The following TARBP1 variants were observed in gnomAD, a reference collection of about 807,000 sequenced individuals.
TARBP1 encodes the protein tRNA guanosine 2 -O-methyltransferase TARBP1, also known as tRNA (guanosine(18)-2'-O)-methyltransferase TARBP1.
A neutral mutation model predicts 178.6 loss-of-function variants in TARBP1; 144 were observed. That is an observed-to-expected ratio of 0.81 (90% CI 0.70 to 0.93). The LOEUF is 0.93. Among genes scored for constraint, TARBP1 ranks in the 40% least tolerant of loss-of-function variants. TARBP1 has a pLI of 0.00. For synonymous variants in TARBP1, 787 were observed against 781.0 expected (o/e 1.01, Z -0.13); for missense variants, 2,067 against 2,011.7 (o/e 1.03, Z -0.53).
intron 23 of TARBP1, chr1:234,407,341 C>CTTTTTTTTTTTTTTTTTTTT (rs543930869): frequency 1.5e-5 from 2 of 137,054 alleles, no homozygotes; most frequent in African/African-American, 2.7e-5. Flanking sequence ...CTTGTCCATC[C>CTTTTTTTTTTTTTTTTTTTT]TTTTTTTTTT....
chr1:234,393,817 C>G lies in TARBP1; in HGVS notation c.4264G>C (p.Asp1422His), dbSNP rs776674837. ...ACGTCGGTCCACTCCGCTTGGTTATCTGCTTCGACCAAATTAGTACCTGGG... is the reference window on the plus strand; with the variant it reads ...ACGTCGGTCCACTCCGCTTGGTTATGTGCTTCGACCAAATTAGTACCTGGG... ...QDIGTNLVEA[D>H]NQAEWTDVQK... The change falls in exon 27 of 30, where the codon GAT becomes CAT. Residue 1422 changes from aspartate (D) to histidine (H), a missense_variant. Physicochemically the swap from Asp to His is moderately conservative, Grantham distance 81 (BLOSUM62 -1). Coordinates refer to ENST00000040877, the MANE Select transcript of TARBP1 (RefSeq NM_005646.4). 6.2e-6 allele frequency: 10 copies of G among 1,610,750 alleles called. No individual in the cohort carries two copies. The East Asian group carries it at 2.2e-4, about 36-fold the overall frequency.
In TARBP1 at chr1:234,406,038, C is replaced by G. The variant is rs1217865699; in HGVS notation, c.3854G>C (p.Ser1285Thr). The change falls in exon 24 of 30, where the codon AGT becomes ACT. Residue 1285 changes from serine to threonine, a missense_variant. Ser to Thr is a moderately conservative substitution (Grantham distance 58). Transcript: ENST00000040877. Reference protein sequence around the residue: ...VLQWCFNHNFSVRLYALVALK... With the variant: ...VLQWCFNHNFTVRLYALVALK... Reference sequence around the variant, plus strand: ...AGCAACTAAAGCATACAGTCGAACACTAAAATTGTGATTGAAACACCACTG... The same window carrying G: ...AGCAACTAAAGCATACAGTCGAACAGTAAAATTGTGATTGAAACACCACTG... 6 of 1,614,056 alleles carry G rather than the reference C, an allele frequency of 3.7e-6. No individual in the cohort carries two copies. The African/African-American group carries it at 8.0e-5, about 22-fold the overall frequency.
At chr1:234,465,965 G>C (rs1005177390) in intron 4 of TARBP1, among the ~76,000 whole-genome samples, 43 of 152,046 alleles carry the variant, frequency 2.8e-4, no homozygotes, top group African/African-American at 1.0e-3. Context: ...TTCATGTGTT[G>C]GGTCAAGAAA....
At chr1:234,448,748 T>A (rs1044634889) in intron 10 of TARBP1, among the ~76,000 whole-genome samples, 169 bp from the exon 11 acceptor site, 1 of 152,192 alleles carries the variant, frequency 6.6e-6, no homozygotes, top group Non-Finnish European at 1.5e-5. Flanking sequence ...TTATTATACA[T>A]ATCTATTTCA....
intron 22 of TARBP1, among the ~76,000 whole-genome samples, 178 bp downstream of exon 22, chr1:234,417,906 A>AT (rs1166364680): frequency 3.3e-5 from 5 of 152,202 alleles, no homozygotes; most frequent in African/African-American, 4.8e-5. Context: ...AATATTCAAA[A>AT]TGAATGCCAG....
At position 234,398,562 on chromosome 1, in the gene TARBP1, A is replaced by G. The variant is rs752527021; in HGVS notation, c.4072-9T>C. ...AGGATGTAAAATATGGTCTGAAAAG[A>G]GAATTATAAAATCTAAATTTCTTCC... is the stretch of plus-strand genomic sequence containing the variant. On this transcript the variant is annotated splice_polypyrimidine_tract_variant and intron_variant, in intron 25 of 29. Coordinates refer to ENST00000040877, the MANE Select transcript of TARBP1 (RefSeq NM_005646.4). 1 of 1,530,448 alleles carries G rather than the reference A, an allele frequency of 6.5e-7. No individual in the cohort carries two copies. Among genetic ancestry groups the G allele is most frequent in the Non-Finnish European group, 8.8e-7 (1 of 1,132,442 alleles). 94.8% of individuals were successfully genotyped at this position (1,530,448 alleles called of 1,614,324 possible).
At chr1:234,463,798 G>T in intron 6 of TARBP1, 39 bp downstream of exon 6, 1 of 1,230,696 alleles carries the variant, frequency 8.1e-7, no homozygotes, top group Non-Finnish European at 1.1e-6. Context: ...GAAACTGTAA[G>T]CTAAAGCATT....
At chr1:234,411,951 T>A (rs1340752984) in intron 22 of TARBP1, among the ~76,000 whole-genome samples, 1 of 152,228 alleles carries the variant, frequency 6.6e-6, no homozygotes, top group Admixed American at 6.5e-5. Context: ...AATTAACAGT[T>A]ACTGAATGTC....
rs1355844672 is a variant in TARBP1 at position 234,478,348 on chromosome 1, C to G, written c.756G>C (p.Ala252=). ...GCCGGGCGTCCGGGCCCGCCTCGCG[C>G]GCGCCGCGGGCGCGGTCGCCGCCGG... ...PEPGGDRARG[A]REAGPDARRC... The change falls in exon 1 of 30, where the codon GCG becomes GCC. Residue 252 remains alanine, a synonymous_variant. Transcript: ENST00000040877. The G allele has an allele frequency of 1.6e-6, 2 of 1,274,592 alleles. No homozygotes were observed. Among genetic ancestry groups the G allele is most frequent in the Admixed American group, 8.4e-5 (2 of 23,844 alleles). 79.0% of individuals were successfully genotyped at this position (1,274,592 alleles called of 1,614,324 possible). A position where few individuals can be genotyped will look rare whatever the true frequency, so the allele number is the denominator to read the frequency against.
In TARBP1 at chr1:234,460,289, G is replaced by A; in HGVS notation, c.1507C>T (p.Leu503=). 1 of 1,614,076 alleles carries A rather than the reference G, an allele frequency of 6.2e-7. No homozygotes were observed. Among genetic ancestry groups the A allele is most frequent in the Non-Finnish European group, 8.5e-7 (1 of 1,180,002 alleles). ...ALANVPRHKA[L]GIDGLLALRD... ...AGAGCAAGAAGCCCATCTATACCCA[G>A]GGCCTTATGTCTTGGGACATTTGCC... The change falls in exon 7 of 30, where the codon CTG becomes TTG. Residue 503 remains leucine (L), a synonymous_variant. Transcript: ENST00000040877.
intron 24 of TARBP1, among the ~76,000 whole-genome samples, chr1:234,402,591 T>G (rs1219480629): frequency 2.6e-5 from 4 of 152,084 alleles, no homozygotes; most frequent in African/African-American, 9.7e-5. Flanking sequence ...TTGTTTTTTT[T>G]TTGAGACAGG....
intron 9 of TARBP1, 38 bp from the exon 10 acceptor site, chr1:234,450,604 C>G (rs763489255): frequency 6.3e-7 from 1 of 1,584,924 alleles, no homozygotes; most frequent in Non-Finnish European, 8.5e-7. Flanking sequence ...TTTTAAAAAC[C>G]TAACCAAACA....
At chr1:234,473,203 T>C in intron 1 of TARBP1, among the ~76,000 whole-genome samples, 1 of 152,180 alleles carries the variant, frequency 6.6e-6, no homozygotes, top group East Asian at 1.9e-4. Flanking sequence ...ATGAGAATTT[T>C]AAGTTGACAA....
intron 27 of TARBP1, 21 bp downstream of exon 27, chr1:234,393,625 C>T (rs778191185): frequency 1.3e-6 from 2 of 1,594,464 alleles, no homozygotes; most frequent in Non-Finnish European, 1.7e-6. Flanking sequence ...AGGCAAAGCT[C>T]CCAGAAAACT....
chr1:234,394,293 TG>T (rs1360725257), intron 26 of TARBP1, among the ~76,000 whole-genome samples: 1 of 152,250 alleles, frequency 6.6e-6, no homozygotes, highest in Non-Finnish European at 1.5e-5. Flanking sequence ...ATTTTAAAAG[TG>T]CTGGAGTAAC....
At chr1:234,420,678 A>G (rs1224362523) in intron 21 of TARBP1, 24 bp downstream of exon 21, 1 of 1,480,354 alleles carries the variant, frequency 6.8e-7, no homozygotes, top group African/African-American at 1.4e-5. Context: ...CTTCAAAGGT[A>G]CAAATATAAT....
At chr1:234,418,362 A>G (rs1190898508) in intron 21 of TARBP1, 129 bp from the exon 22 acceptor site, 1 of 725,012 alleles carries the variant, frequency 1.4e-6, no homozygotes, top group Non-Finnish European at 2.1e-6. Flanking sequence ...CTCTCCGAGC[A>G]AAGACTCTAA....
Position 234,478,314 on chromosome 1 carries a change from G to T in TARBP1, c.790C>A (p.Arg264Ser), listed in dbSNP as rs554398742. 2 of 1,427,384 alleles carry T rather than the reference G, an allele frequency of 1.4e-6. No individual in the cohort carries two copies. Among genetic ancestry groups the T allele is most frequent in the Admixed American group, 2.7e-5 (1 of 37,652 alleles). 88.4% of individuals were successfully genotyped at this position (1,427,384 alleles called of 1,614,324 possible). Reference protein sequence around the residue: ...EAGPDARRCWRFWRTVQAGLG... With the variant: ...EAGPDARRCWSFWRTVQAGLG... ...CCCGCCTGCACCGTCCTCCAGAAGC[G>T]CCAGCAGCGCCGGGCGTCCGGGCCC... Residue 264 changes from arginine (R) to serine (S), a missense_variant, in exon 1 of 30, where the codon CGC (arginine) becomes AGC (serine). Coordinates refer to ENST00000040877, the MANE Select transcript of TARBP1 (RefSeq NM_005646.4).
intron 12 of TARBP1, among the ~76,000 whole-genome samples, chr1:234,440,294 G>GA (rs374101913): frequency 6.9e-6 from 1 of 145,916 alleles, no homozygotes; most frequent in Non-Finnish European, 1.5e-5. Flanking sequence ...ACACTAAAAG[G>GA]AAAAAAAGGC....
Sources: allele counts gnomAD v4.1 joint callset (sites outside exome capture counted in the v4.1 genomes callset), GRCh38; gene constraint gnomAD v4.1.1; transcripts MANE v1.5; gene names NCBI Gene and HGNC (gene_info 2026-07-23, HGNC 2026-07-21).